The following AXDND1 variants were observed in gnomAD, a reference collection of about 807,000 sequenced individuals.
The protein encoded by AXDND1 is axonemal dynein light chain domain-containing protein 1.
Under a neutral mutation model 137.5 loss-of-function variants are expected in AXDND1, and 110 were observed. The ratio of observed to expected loss-of-function variants is 0.80; its 90% CI spans 0.69 to 0.94. AXDND1 has a LOEUF of 0.94. AXDND1 is among the 40% of genes least tolerant of loss of function. The pLI is 0.00. For synonymous variants in AXDND1, 414 were observed against 399.7 expected, an observed-to-expected ratio of 1.04 and a Z score of -0.43; for missense variants, 1,191 against 1,169.8, an observed-to-expected ratio of 1.02 and a Z score of -0.26.
At chr1:179,373,442 C>T (rs1668243071) in intron 4 of AXDND1, among the ~76,000 whole-genome samples, 1 of 152,144 alleles carries the variant, frequency 6.6e-6, no homozygotes, top group Non-Finnish European at 1.5e-5. Flanking sequence ...CACCAAGTTG[C>T]CACTCACTTT....
chr1:179,481,856 A>T (rs1347547949), intron 17 of AXDND1, among the ~76,000 whole-genome samples: 3 of 152,164 alleles, frequency 2.0e-5, no homozygotes, highest in South Asian at 4.1e-4. Flanking sequence ...CCTTGGAAAG[A>T]ATAATTCCTG....
chr1:179,476,012 C>A (rs1270456120), intron 17 of AXDND1, among the ~76,000 whole-genome samples: 1 of 152,180 alleles, frequency 6.6e-6, no homozygotes, highest in East Asian at 1.9e-4. Flanking sequence ...GCTTGCACTT[C>A]TCTTTTTCCT....
chr1:179,465,502 C>T (rs1269535152), intron 16 of AXDND1, among the ~76,000 whole-genome samples: 1 of 152,196 alleles, frequency 6.6e-6, no homozygotes, highest in African/African-American at 2.4e-5. Context: ...CAGAGGGGCA[C>T]CTGGCCGTAT....
intron 21 of AXDND1, among the ~76,000 whole-genome samples, chr1:179,515,520 T>C (rs965208663): frequency 1.3e-5 from 2 of 152,182 alleles, no homozygotes; most frequent in Non-Finnish European, 2.9e-5. Flanking sequence ...TTCTTCGTCT[T>C]AACTTTAGAT....
At chr1:179,379,300 A>G in intron 5 of AXDND1, 97 bp from the exon 6 acceptor site, 2 of 1,322,652 alleles carry the variant, frequency 1.5e-6, no homozygotes, top group South Asian at 2.8e-5. Context: ...AACTTAAAAA[A>G]TAGTATCTCT....
intron 12 of AXDND1, among the ~76,000 whole-genome samples, chr1:179,411,488 G>C (rs369835946): frequency 1.6e-4 from 24 of 152,124 alleles, no homozygotes; most frequent in African/African-American, 5.3e-4. Context: ...GGGATTACAG[G>C]CATGAGCTGC....
chr1:179,421,035 C>CCCTT (rs143579938), intron 12 of AXDND1, among the ~76,000 whole-genome samples: 5,697 of 134,552 alleles, frequency 0.042, 187 homozygotes, highest in African/African-American at 0.083. Context: ...ATTTGGGTAT[C>CCCTT]CCTTCCTTCC....
chr1:179,532,984 G>A (rs1336779703), intron 23 of AXDND1: 1 of 152,072 alleles, frequency 6.6e-6, no homozygotes, highest in Non-Finnish European at 1.5e-5. Context: ...AGGTATAGTG[G>A]TATGATGGGA....
chr1:179,472,315 T>A lies in AXDND1; in HGVS notation c.1997+3674T>A, dbSNP rs192150719. ...TCCACATATTTGTGAGTTTCCCATT[T>A]TTTTCCAGTTTCAGATTTGTAATTT... On this transcript the variant is annotated intron_variant, in intron 17 of 25. Coordinates refer to ENST00000367618, the MANE Select transcript of AXDND1 (RefSeq NM_144696.6). Among the ~76,000 whole-genome samples the A allele has an allele frequency of 2.3e-3, 356 of 152,346 alleles. 5 individuals are homozygous for A. Among genetic ancestry groups the A allele is most frequent in the African/African-American group, 8.1e-3 (335 of 41,578 alleles).
intron 17 of AXDND1, 47 bp downstream of exon 17, chr1:179,468,688 G>T (rs1378497674): frequency 6.9e-7 from 1 of 1,458,640 alleles, no homozygotes; most frequent in Non-Finnish European, 9.3e-7. Context: ...TTTCCTAAAG[G>T]TTTGTTGCAA....
At chr1:179,509,433 A>C (rs369140134) in intron 21 of AXDND1, 30 bp downstream of exon 21, 32 of 1,343,682 alleles carry the variant, frequency 2.4e-5, no homozygotes, top group Non-Finnish European at 3.0e-5. Flanking sequence ...GTTGGTCATT[A>C]TTCAGATTAT....
chr1:179,466,549 A>G (rs886230418), intron 16 of AXDND1, among the ~76,000 whole-genome samples: 4 of 152,082 alleles, frequency 2.6e-5, no homozygotes, highest in Admixed American at 6.5e-5. Flanking sequence ...CCTAGAATTT[A>G]TTAACTTTTA....
Position 179,506,898 on chromosome 1 carries a change from G to A in AXDND1, c.2389-2398G>A, listed in dbSNP as rs72704453. The A allele has an allele frequency of 3.0e-3, 2,985 of 985,332 alleles. 6 individuals are homozygous for A. Among genetic ancestry groups the A allele is most frequent in the Admixed American group, 3.8e-3 (61 of 16,264 alleles). The allele number at this position is 985,332 out of a possible 1,614,324, so 61.0% of individuals were successfully genotyped here. A position where few individuals can be genotyped will look rare whatever the true frequency, so the allele number is the denominator to read the frequency against. On this transcript the variant is annotated intron_variant, in intron 20 of 25. Coordinates refer to ENST00000367618, the MANE Select transcript of AXDND1 (RefSeq NM_144696.6). ...ACTATGACTGAAGATGGTGGTAGTA[G>A]GAATCTTACTCTCAAGATGTTTTAG...
At chr1:179,458,675 G>A (rs1661768609) in intron 16 of AXDND1, among the ~76,000 whole-genome samples, 1 of 151,898 alleles carries the variant, frequency 6.6e-6, no homozygotes, top group Admixed American at 6.6e-5. Flanking sequence ...AAGAGATGCT[G>A]CAATTGTTTT....
At chr1:179,540,713 C>T (rs998751400) in intron 25 of AXDND1, among the ~76,000 whole-genome samples, 7 of 152,182 alleles carry the variant, frequency 4.6e-5, no homozygotes, top group African/African-American at 7.2e-5. Context: ...TATCAGAGCT[C>T]GATCGCCATG....
At chr1:179,411,300 T>G (rs1409381995) in intron 12 of AXDND1, 34 bp downstream of exon 12, 1 of 1,598,224 alleles carries the variant, frequency 6.3e-7, no homozygotes, top group South Asian at 1.1e-5. Context: ...TCACACTTCT[T>G]TTTTGGCTAA....
intron 12 of AXDND1, among the ~76,000 whole-genome samples, chr1:179,418,470 T>C (rs1655050995): frequency 6.6e-6 from 1 of 152,208 alleles, no homozygotes; most frequent in African/African-American, 2.4e-5. Flanking sequence ...AAAACCGCCA[T>C]TGTCATCATG....
intron 20 of AXDND1, among the ~76,000 whole-genome samples, chr1:179,499,811 GA>G (rs531319552): frequency 5.8e-4 from 88 of 152,190 alleles, no homozygotes; most frequent in African/African-American, 2.1e-3. Flanking sequence ...AAGAGATTAT[GA>G]AGGACATTAT....
At position 179,552,686 on chromosome 1, in the gene AXDND1, AAAAG is replaced by A. The variant is rs1230101146; in HGVS notation, c.3032-1819_3032-1816del. ...GCTGGCAACCTCACATCTTTACTGA[AAAAG>A]AAAGAATGCAGGTATGTAGGTGTGC... On this transcript the variant is annotated intron_variant, in intron 25 of 25. Transcript: ENST00000367618. 3.1e-6 allele frequency: 5 copies of A among 1,612,072 alleles called. No homozygotes were observed. The Admixed American group carries it at 8.3e-5, about 27-fold the overall frequency.
Sources: allele counts gnomAD v4.1 joint callset (sites outside exome capture counted in the v4.1 genomes callset), GRCh38; gene constraint gnomAD v4.1.1; transcripts MANE v1.5; gene names NCBI Gene and HGNC (gene_info 2026-07-23, HGNC 2026-07-21).